UTRN: variants seen among roughly 807,000 people sequenced by gnomAD.
The protein encoded by UTRN is dystrophin-related protein 1.
In UTRN, 283 loss-of-function variants were observed where a neutral mutation model predicts 463.9. That is an observed-to-expected ratio of 0.61 (90% CI 0.55 to 0.67). The LOEUF is 0.67. Among genes scored for constraint, UTRN ranks in the 30% least tolerant of loss-of-function variants. The pLI, the probability that UTRN is intolerant of heterozygous loss-of-function variation, is 0.00. For synonymous variants in UTRN, 1,442 were observed against 1,431.5 expected (o/e 1.01, Z -0.17); for missense variants, 3,922 against 4,084.3 (o/e 0.96, Z 1.08).
Position 144,533,250 on chromosome 6 carries a change from A to G in UTRN, c.6223A>G (p.Arg2075Gly). The change falls in exon 43 of 75, where the codon AGG becomes GGG. Residue 2075 changes from arginine to glycine, a missense_variant. Physicochemically the swap from Arg to Gly is moderately radical, Grantham distance 125. This residue lies in a region of UTRN where 2,349 missense variants were observed against 2,303.8 expected (regional missense o/e 1.02). Coordinates refer to ENST00000367545, the MANE Select transcript of UTRN (RefSeq NM_007124.3). ...WDAIVAEVKDRQPRLKGESKQ... is the reference protein window; with the variant it reads ...WDAIVAEVKDGQPRLKGESKQ... The stretch of plus-strand genomic sequence containing the variant: ...TGCAATTGTTGCAGAAGTGAAGGAT[A>G]GGCAGCCAAGGTGATTTAGCTATGA... 2.5e-6 allele frequency: 4 copies of G among 1,614,020 alleles called. No homozygotes were observed. The highest frequency in any genetic ancestry group is 3.4e-6 in the Non-Finnish European group (4 of 1,179,920).
At chr6:144,716,826 A>G (rs555555660) in intron 53 of UTRN, among the ~76,000 whole-genome samples, 47 of 152,300 alleles carry the variant, frequency 3.1e-4, no homozygotes, top group African/African-American at 1.1e-3. Flanking sequence ...CTATGTGGTC[A>G]TTATCACAAT....
chr6:144,389,165 G>A (rs1263307746), intron 2 of UTRN, among the ~76,000 whole-genome samples: 1 of 152,160 alleles, frequency 6.6e-6, no homozygotes, highest in East Asian at 1.9e-4. Context: ...AGGACAACTC[G>A]AAGTGGGGAC....
At chr6:144,541,942 G>A (rs1024050698) in intron 45 of UTRN, among the ~76,000 whole-genome samples, 3 of 152,224 alleles carry the variant, frequency 2.0e-5, no homozygotes, top group Non-Finnish European at 2.9e-5. Context: ...TGAGCACAGT[G>A]TATATAGGTC....
chr6:144,781,653 A>C (rs565000181), intron 60 of UTRN, among the ~76,000 whole-genome samples: 13 of 152,342 alleles, frequency 8.5e-5, no homozygotes, highest in African/African-American at 3.1e-4. Context: ...AGAAAAAGAA[A>C]GTAGGAATAA....
chr6:144,711,534 A>G (rs1785711491), intron 53 of UTRN, among the ~76,000 whole-genome samples: 2 of 152,214 alleles, frequency 1.3e-5, no homozygotes, highest in Admixed American at 1.3e-4. Context: ...CAATGTATAT[A>G]GTGTTTGTAA....
intron 51 of UTRN, among the ~76,000 whole-genome samples, chr6:144,610,163 A>G (rs990543592): frequency 2.0e-5 from 3 of 151,798 alleles, no homozygotes; most frequent in African/African-American, 7.2e-5. Flanking sequence ...TGAAAAAAAA[A>G]AAATCAACAG....
intron 53 of UTRN, among the ~76,000 whole-genome samples, chr6:144,726,496 T>G (rs1787897793): frequency 6.6e-6 from 1 of 152,172 alleles, no homozygotes; most frequent in South Asian, 2.1e-4. Flanking sequence ...TTAGTCTGGG[T>G]GCTTTGTTTA....
intron 53 of UTRN, among the ~76,000 whole-genome samples, chr6:144,715,260 C>A (rs1406722483): frequency 6.6e-6 from 1 of 152,096 alleles, no homozygotes; most frequent in Admixed American, 6.5e-5. Flanking sequence ...CACCTTTAGT[C>A]CTGCCTTTCT....
intron 51 of UTRN, among the ~76,000 whole-genome samples, chr6:144,620,338 G>T (rs890766765): frequency 1.3e-4 from 20 of 152,052 alleles, no homozygotes; most frequent in African/African-American, 4.8e-4. Context: ...ATTAATCGGG[G>T]TGTGCATGCC....
intron 34 of UTRN, among the ~76,000 whole-genome samples, chr6:144,509,970 C>T (rs1264157488): frequency 1.3e-5 from 2 of 152,078 alleles, no homozygotes; most frequent in African/African-American, 4.8e-5. Flanking sequence ...TTTCTCCCCC[C>T]TTGCTAGAGA....
intron 3 of UTRN, among the ~76,000 whole-genome samples, chr6:144,411,211 G>A (rs780155521): frequency 2.6e-5 from 4 of 152,106 alleles, no homozygotes; most frequent in Non-Finnish European, 4.4e-5. Flanking sequence ...CTGCATCCTC[G>A]CCAACATCTA....
intron 19 of UTRN, among the ~76,000 whole-genome samples, chr6:144,458,568 T>C (rs1244665165): frequency 2.6e-5 from 4 of 152,206 alleles, no homozygotes; most frequent in Admixed American, 2.6e-4. Context: ...ATGTCTTTCT[T>C]CTTTGTTCAA....
At chr6:144,636,321 C>T (rs1777169798) in intron 51 of UTRN, among the ~76,000 whole-genome samples, 1 of 151,054 alleles carries the variant, frequency 6.6e-6, no homozygotes, top group Non-Finnish European at 1.5e-5. Context: ...TGTTCTCACT[C>T]ATAAGTGGGA....
intron 56 of UTRN, among the ~76,000 whole-genome samples, chr6:144,754,051 C>T (rs1010919785): frequency 1.3e-5 from 2 of 152,102 alleles, no homozygotes; most frequent in Non-Finnish European, 2.9e-5. Flanking sequence ...TCTTCTACCA[C>T]CTCACTCACT....
chr6:144,475,902 C>T (rs1791140795), intron 25 of UTRN, among the ~76,000 whole-genome samples: 1 of 151,728 alleles, frequency 6.6e-6, no homozygotes, highest in African/African-American at 2.4e-5. Context: ...ATGGCAAAAC[C>T]TTATCTCTAT....
chr6:144,805,435 C>T (rs1438086197), intron 65 of UTRN, among the ~76,000 whole-genome samples: 1 of 152,072 alleles, frequency 6.6e-6, no homozygotes, highest in African/African-American at 2.4e-5. Context: ...TGAGTTGAGA[C>T]CAAAGTTTGA....
At position 144,556,624 on chromosome 6, in the gene UTRN, C is replaced by T. The variant is rs1035666692; in HGVS notation, c.7135-533C>T. 2.0e-5 allele frequency among the ~76,000 whole-genome samples: 3 copies of T among 152,282 alleles called. No individual in the cohort carries two copies. The East Asian group carries it at 5.8e-4, about 29-fold the overall frequency. On this transcript the variant is annotated intron_variant, in intron 49 of 74. Coordinates refer to ENST00000367545, the MANE Select transcript of UTRN (RefSeq NM_007124.3). ...GAAAAACTATGTCAAAGAACCAATG[C>T]CAGTGGACAAATTCAGCATCAGTTT...
intron 2 of UTRN, among the ~76,000 whole-genome samples, chr6:144,394,117 T>C (rs760767750): frequency 6.6e-6 from 1 of 152,196 alleles, no homozygotes; most frequent in Non-Finnish European, 1.5e-5. Flanking sequence ...ATTTTATCCA[T>C]TGGAGTTGTT....
chr6:144,592,309 G>A (rs946773219), intron 51 of UTRN, among the ~76,000 whole-genome samples: 2 of 152,062 alleles, frequency 1.3e-5, no homozygotes, highest in Admixed American at 6.6e-5. Context: ...TCCAGGGTAC[G>A]TTATTAGAAT....
Sources: allele counts gnomAD v4.1 joint callset (sites outside exome capture counted in the v4.1 genomes callset), GRCh38; gene constraint gnomAD v4.1.1; regional missense constraint gnomAD v4.1.1; transcripts MANE v1.5; gene names NCBI Gene and HGNC (gene_info 2026-07-23, HGNC 2026-07-21).